Variants in RPS6KC1 observed in about 807,000 individuals in gnomAD.
RPS6KC1 encodes the protein ribosomal protein S6 kinase C1.
RPS6KC1 carries 54 observed loss-of-function variants against 103.8 expected under a neutral mutation model. The observed-to-expected ratio is 0.52, with a 90% CI of 0.42 to 0.65. The LOEUF (loss-of-function observed/expected upper bound fraction) is 0.65. RPS6KC1 is among the 30% of genes least tolerant of loss of function. The probability of loss-of-function intolerance (pLI) is 0.00; values close to 1 mark genes in which losing one functional copy is unlikely to be tolerated. For missense variants in RPS6KC1, 1,151 were observed against 1,253.8 expected, an observed-to-expected ratio of 0.92 and a Z score of 1.24; for synonymous variants, 439 against 438.7, an observed-to-expected ratio of 1.00 and a Z score of -0.01.
At chr1:213,660,387 A>G in the RPS6KC1 span, among the ~76,000 whole-genome samples, 1 of 152,250 alleles carries the variant, frequency 6.6e-6, no homozygotes, top group Admixed American at 6.5e-5. Context: ...GCCTCTGGGC[A>G]CATGTCTGGA....
At chr1:213,662,610 C>G in the RPS6KC1 span, among the ~76,000 whole-genome samples, 6 of 152,038 alleles carry the variant, frequency 3.9e-5, no homozygotes, top group Non-Finnish European at 7.4e-5. Context: ...TGACTTTAAT[C>G]ATAGCTCCCC....
chr1:213,166,064 A>T (rs1238671489), intron 6 of RPS6KC1, among the ~76,000 whole-genome samples: 1 of 152,124 alleles, frequency 6.6e-6, no homozygotes, highest in African/African-American at 2.4e-5. Context: ...TATGGCTTTA[A>T]TTCTAGCTTT....
intron 6 of RPS6KC1, among the ~76,000 whole-genome samples, chr1:213,135,666 T>G (rs78457556): frequency 0.012 from 1,874 of 152,300 alleles, 25 homozygotes; most frequent in South Asian, 0.027. Flanking sequence ...AATTAAGATT[T>G]TTAAAAATAG....
At chr1:213,331,217 T>C in the RPS6KC1 span, among the ~76,000 whole-genome samples, 2 of 152,264 alleles carry the variant, frequency 1.3e-5, no homozygotes, top group Non-Finnish European at 1.5e-5. Context: ...AAAAAGAAGG[T>C]TGGACTTCTT....
At chr1:213,495,336 T>G in the RPS6KC1 span, among the ~76,000 whole-genome samples, 5 of 152,250 alleles carry the variant, frequency 3.3e-5, no homozygotes, top group Admixed American at 3.3e-4. Context: ...TTTTTTTCTT[T>G]TTTAAGATGG....
chr1:213,728,644 T>C, the RPS6KC1 span, among the ~76,000 whole-genome samples: 2 of 151,992 alleles, frequency 1.3e-5, no homozygotes, highest in Admixed American at 1.3e-4. Context: ...GCGGGGCCAC[T>C]CCCTCCTCAT....
At chr1:213,239,857 C>G (rs996673346) in intron 10 of RPS6KC1, among the ~76,000 whole-genome samples, 1 of 151,976 alleles carries the variant, frequency 6.6e-6, no homozygotes, top group Non-Finnish European at 1.5e-5. Flanking sequence ...GGTACTTAGC[C>G]ATAATTGTTT....
chr1:213,320,578 G>A, the RPS6KC1 span, among the ~76,000 whole-genome samples: 1 of 152,218 alleles, frequency 6.6e-6, no homozygotes, highest in Non-Finnish European at 1.5e-5. Flanking sequence ...TCACTTGTTT[G>A]TTTATTGACT....
At chr1:213,158,695 A>T (rs2090167308) in intron 6 of RPS6KC1, among the ~76,000 whole-genome samples, 1 of 152,326 alleles carries the variant, frequency 6.6e-6, no homozygotes, top group African/African-American at 2.4e-5. Context: ...TTTTGAAAAC[A>T]TTCAGACAGA....
the RPS6KC1 span, among the ~76,000 whole-genome samples, chr1:213,285,125 A>T: frequency 6.6e-6 from 1 of 152,226 alleles, no homozygotes; most frequent in African/African-American, 2.4e-5. Flanking sequence ...GGAGTCTGCA[A>T]GTCAGATAAG....
the RPS6KC1 span, among the ~76,000 whole-genome samples, chr1:213,628,031 C>T: frequency 4.6e-5 from 7 of 152,120 alleles, no homozygotes; most frequent in African/African-American, 1.2e-4. Context: ...TGGTAGAATT[C>T]GGCTGTGAAT....
chr1:213,302,054 A>G, the RPS6KC1 span, among the ~76,000 whole-genome samples: 3 of 152,164 alleles, frequency 2.0e-5, no homozygotes, highest in African/African-American at 7.2e-5. Flanking sequence ...ATTTATAAAA[A>G]TAAAAATATA....
chr1:213,633,919 G>T, the RPS6KC1 span, among the ~76,000 whole-genome samples: 1 of 110,946 alleles, frequency 9.0e-6, no homozygotes, highest in African/African-American at 3.4e-5. Flanking sequence ...AAAAAGCAGG[G>T]GTTGCAATCC....
the RPS6KC1 span, among the ~76,000 whole-genome samples, chr1:213,309,719 T>C: frequency 6.6e-6 from 1 of 152,122 alleles, no homozygotes; most frequent in Non-Finnish European, 1.5e-5. Flanking sequence ...AGTTTCCCTT[T>C]TGTTGCACAG....
At chr1:213,128,675 G>A (rs552289750) in intron 5 of RPS6KC1, among the ~76,000 whole-genome samples, 1 of 152,230 alleles carries the variant, frequency 6.6e-6, no homozygotes, top group African/African-American at 2.4e-5. Context: ...AGATGAAAAT[G>A]TCTAAAAATT....
the RPS6KC1 span, among the ~76,000 whole-genome samples, chr1:213,501,410 G>A: frequency 1.3e-5 from 2 of 152,184 alleles, 1 homozygote. Flanking sequence ...AAACATGCAA[G>A]TATTAGAAGC....
At chr1:213,796,456 T>C in the RPS6KC1 span, among the ~76,000 whole-genome samples, 1 of 152,196 alleles carries the variant, frequency 6.6e-6, no homozygotes, top group African/African-American at 2.4e-5. Context: ...AGGCGTTTTG[T>C]ATTCATCAGT....
chr1:213,234,037 G>T (rs527719146), intron 10 of RPS6KC1, among the ~76,000 whole-genome samples: 1 of 150,024 alleles, frequency 6.7e-6, no homozygotes, highest in Non-Finnish European at 1.5e-5. Context: ...TTTTGGTTGG[G>T]GGGTAGTTAG....
intron 6 of RPS6KC1, among the ~76,000 whole-genome samples, chr1:213,158,043 C>T (rs1026816674): frequency 6.6e-6 from 1 of 151,894 alleles, no homozygotes; most frequent in Non-Finnish European, 1.5e-5. Flanking sequence ...AACCTGGTTG[C>T]TTCTTTGAAT....
Sources: gnomAD v4.1 joint callset for allele counts (sites outside exome capture counted in the v4.1 genomes callset) on GRCh38, gnomAD v4.1.1 for gene constraint, MANE v1.5 for transcripts, NCBI Gene and HGNC (gene_info 2026-07-23, HGNC 2026-07-21) for gene names.